The following GNAI3 variants were observed in gnomAD, a reference collection of about 807,000 sequenced individuals.
GNAI3 encodes the protein G protein subunit alpha i3.
In GNAI3, 12 loss-of-function variants were observed where a neutral mutation model predicts 41.8. The ratio of observed to expected loss-of-function variants is 0.29; its 90% CI spans 0.18 to 0.47. The LOEUF (loss-of-function observed/expected upper bound fraction) is 0.47, where lower values mean the gene tolerates loss of function less well. GNAI3 is among the 20% of genes least tolerant of loss of function. The pLI is 1.00. For missense variants in GNAI3, 360 were observed against 429.6 expected (o/e 0.84, Z 1.43); for synonymous variants, 132 against 146.5 (o/e 0.90, Z 0.71).
Position 109,571,439 on chromosome 1 carries a change from A to T in GNAI3, c.119-2298A>T, listed in dbSNP as rs568813327. On this transcript the variant is annotated intron_variant, in intron 1 of 8. Coordinates refer to ENST00000369851, the MANE Select transcript of GNAI3 (RefSeq NM_006496.4). ...TGCCACTTACTAACTGTGTAATTAT[A>T]GGCAAGTTACTTGACATCTGTCTGC... Among the ~76,000 whole-genome samples the T allele has an allele frequency of 2.0e-5, 3 of 152,348 alleles. No individual in the cohort carries two copies. In the South Asian group the frequency reaches 6.2e-4, roughly 32 times the overall value.
intron 1 of GNAI3, among the ~76,000 whole-genome samples, chr1:109,558,946 A>G (rs1239343988): frequency 6.6e-6 from 1 of 152,148 alleles, no homozygotes. Context: ...TGGGAGGCCA[A>G]GGCAGGCAGA....
At chr1:109,587,160 A>C (rs186283666) in intron 7 of GNAI3, among the ~76,000 whole-genome samples, 119 of 152,288 alleles carry the variant, frequency 7.8e-4, no homozygotes, top group African/African-American at 2.7e-3. Flanking sequence ...CATGGTGGCT[A>C]TAATTCTAGC....
intron 3 of GNAI3, among the ~76,000 whole-genome samples, chr1:109,578,564 C>T (rs999882081): frequency 6.6e-6 from 1 of 151,654 alleles, no homozygotes; most frequent in Non-Finnish European, 1.5e-5. Context: ...TGCTCCCTTC[C>T]TTTCCCTCTC....
intron 1 of GNAI3, among the ~76,000 whole-genome samples, chr1:109,573,012 G>A (rs1307999888): frequency 6.6e-6 from 1 of 152,120 alleles, no homozygotes; most frequent in Non-Finnish European, 1.5e-5. Context: ...GAAAAGTAGG[G>A]TAGGATCATC....
chr1:109,574,377 T>A (rs539742354), intron 3 of GNAI3, among the ~76,000 whole-genome samples: 1 of 151,890 alleles, frequency 6.6e-6, no homozygotes, highest in East Asian at 1.9e-4. Flanking sequence ...AAGGTTGCCA[T>A]GATATGTAGC....
chr1:109,560,599 C>T (rs1260155656), intron 1 of GNAI3, among the ~76,000 whole-genome samples: 1 of 152,038 alleles, frequency 6.6e-6, no homozygotes, highest in African/African-American at 2.4e-5. Flanking sequence ...GATCCTGTCT[C>T]TTAAAAAAAA....
intron 3 of GNAI3, among the ~76,000 whole-genome samples, chr1:109,574,912 C>G: frequency 6.6e-6 from 1 of 152,120 alleles, no homozygotes; most frequent in East Asian, 1.9e-4. Flanking sequence ...CTCTCATAAG[C>G]CACTCCCAAC....
At chr1:109,577,027 TTTTA>T (rs1320695200) in intron 3 of GNAI3, among the ~76,000 whole-genome samples, 2 of 151,622 alleles carry the variant, frequency 1.3e-5, no homozygotes, top group African/African-American at 4.8e-5. Flanking sequence ...TTTTTTTTTT[TTTTA>T]AAGTAGTGCT....
At chr1:109,569,142 T>C (rs1006031112) in intron 1 of GNAI3, among the ~76,000 whole-genome samples, 10 of 152,218 alleles carry the variant, frequency 6.6e-5, no homozygotes, top group South Asian at 6.2e-4. Flanking sequence ...CTCCTACTTA[T>C]ATAGGATATC....
chr1:109,551,409 G>A lies in GNAI3; in HGVS notation c.118+2571G>A, dbSNP rs1571144841. On this transcript the variant is annotated intron_variant, in intron 1 of 8. Coordinates refer to ENST00000369851, the MANE Select transcript of GNAI3 (RefSeq NM_006496.4). ...AAGTCATTTTTACTTTATCACTATG[G>A]AACTTAGTTTAAGTTGAGATCTATC... 2.0e-5 allele frequency among the ~76,000 whole-genome samples: 3 copies of A among 152,046 alleles called. No individual in the cohort carries two copies. The East Asian group carries it at 5.8e-4, about 29-fold the overall frequency.
chr1:109,552,820 A>G (rs1364512251), intron 1 of GNAI3, among the ~76,000 whole-genome samples: 1 of 152,088 alleles, frequency 6.6e-6, no homozygotes. Flanking sequence ...AATGTGTGCC[A>G]TCATGTGACA....
intron 1 of GNAI3, among the ~76,000 whole-genome samples, chr1:109,561,665 T>C (rs375446377): frequency 1.3e-5 from 2 of 152,178 alleles, no homozygotes; most frequent in African/African-American, 2.4e-5. Context: ...AGGGAAGATA[T>C]GCAAGTAAAC....
At chr1:109,550,562 C>T (rs913977498) in intron 1 of GNAI3, among the ~76,000 whole-genome samples, 1 of 150,958 alleles carries the variant, frequency 6.6e-6, no homozygotes, top group East Asian at 1.9e-4. Flanking sequence ...GAGACGGAGT[C>T]TCCCTCTGTT....
rs891012952 is a variant in GNAI3 at position 109,582,300 on chromosome 1, T to G, written c.462-137T>G. On this transcript the variant is annotated intron_variant, in intron 4 of 8. Coordinates refer to ENST00000369851, the MANE Select transcript of GNAI3 (RefSeq NM_006496.4). ...GCCACCATGCCTGGCTTATCATTTC[T>G]ATGATACTGAAGATCTGATTCTGTT... 1.0e-5 allele frequency: 6 copies of G among 576,304 alleles called. No individual in the cohort carries two copies. In the African/African-American group the frequency reaches 1.1e-4, roughly 11 times the overall value. 35.7% of individuals were successfully genotyped at this position (576,304 alleles called of 1,614,324 possible). A position where few individuals can be genotyped will look rare whatever the true frequency, so the allele number is the denominator to read the frequency against.
In GNAI3 at chr1:109,595,439, C is replaced by T. The variant is rs562436417; in HGVS notation, c.*3117C>T. The T allele has an allele frequency of 2.0e-5, 3 of 152,018 alleles. No homozygotes were observed. The highest frequency in any genetic ancestry group is 4.4e-5 in the Non-Finnish European group (3 of 68,014). 9.4% of individuals were successfully genotyped at this position (152,018 alleles called of 1,614,324 possible). A position where few individuals can be genotyped will look rare whatever the true frequency, so the allele number is the denominator to read the frequency against. ...ATGGATCGTTATTTTTCACAAGGTA[C>T]TACATTCTTACAATGTAAGACTAGA... On this transcript the variant is annotated 3_prime_UTR_variant, in exon 9 of 9. Coordinates refer to ENST00000369851, the MANE Select transcript of GNAI3 (RefSeq NM_006496.4).
Position 109,577,269 on chromosome 1 carries a change from G to GTTTTTTTTTTT in GNAI3, c.304-1927_304-1926insTTTTTTTTTTT, listed in dbSNP as rs1395067814. On this transcript the variant is annotated intron_variant, in intron 3 of 8. Transcript: ENST00000369851. ...GGGGCATATAGATCTTAGCTAAGGTGTTTTTTTTGTTTTTTTTTTTTTTTT... is the reference window on the plus strand; with the variant it reads ...GGGGCATATAGATCTTAGCTAAGGTGTTTTTTTTTTTTTTTTTTTGTTTTTTTTTTTTTTTT... Among the ~76,000 whole-genome samples the GTTTTTTTTTTT allele has an allele frequency of 5.0e-4, 70 of 138,980 alleles. 1 individual carries two copies. Among genetic ancestry groups the GTTTTTTTTTTT allele is most frequent in the African/African-American group, 1.9e-3 (70 of 36,794 alleles). 91.2% of individuals were successfully genotyped at this position (138,980 alleles called of 152,430 possible).
At chr1:109,576,482 T>C (rs1648745905) in intron 3 of GNAI3, among the ~76,000 whole-genome samples, 1 of 152,084 alleles carries the variant, frequency 6.6e-6, no homozygotes, top group East Asian at 1.9e-4. Flanking sequence ...TGAAGTTTAT[T>C]GTAAAGAGGG....
chr1:109,592,628 A>G lies in GNAI3; in HGVS notation c.*306A>G, dbSNP rs1190264287. On this transcript the variant is annotated 3_prime_UTR_variant, in exon 9 of 9. Coordinates refer to ENST00000369851, the MANE Select transcript of GNAI3 (RefSeq NM_006496.4). ...TGAGGTGCTGCATTCTAGAACTTCA[A>G]TATGTAGCTTACTCTTTTTTTCCCC... 1 of 155,778 alleles carries G rather than the reference A, an allele frequency of 6.4e-6. No homozygotes were observed. Among genetic ancestry groups the G allele is most frequent in the Non-Finnish European group, 1.4e-5 (1 of 70,310 alleles). The allele number at this position is 155,778 out of a possible 1,614,324, so 9.6% of individuals were successfully genotyped here. A position where few individuals can be genotyped will look rare whatever the true frequency, so the allele number is the denominator to read the frequency against.
At chr1:109,559,673 C>T (rs981885116) in intron 1 of GNAI3, among the ~76,000 whole-genome samples, 37 of 152,250 alleles carry the variant, frequency 2.4e-4, no homozygotes, top group African/African-American at 8.7e-4. Context: ...TGTACATGTT[C>T]AAAAGAAAAT....
Sources: gnomAD v4.1 joint callset for allele counts (sites outside exome capture counted in the v4.1 genomes callset) on GRCh38, gnomAD v4.1.1 for gene constraint, MANE v1.5 for transcripts, NCBI Gene and HGNC (gene_info 2026-07-23, HGNC 2026-07-21) for gene names.